Variants in KIF26B observed in about 807,000 individuals in gnomAD.
KIF26B encodes kinesin family member 26B, also known as kinesin-like protein KIF26B.
Under a neutral mutation model 151.2 loss-of-function variants are expected in KIF26B, and 63 were observed. That is an observed-to-expected ratio of 0.42 (90% CI 0.34 to 0.51). The LOEUF is 0.51. Ranked by LOEUF, KIF26B falls within the 20% of genes least tolerant of loss-of-function variation. The probability of loss-of-function intolerance (pLI) is 0.07; values close to 1 mark genes in which losing one functional copy is unlikely to be tolerated. For missense variants in KIF26B, 2,813 were observed against 2,913.6 expected, an observed-to-expected ratio of 0.97 and a Z score of 0.79; for synonymous variants, 1,357 against 1,262.1, an observed-to-expected ratio of 1.08 and a Z score of -1.59.
In KIF26B at chr1:245,708,793, GGATCTCTAATTCCAT is replaced by G. The variant is rs1572219790; in HGVS notation, c.*6191_*6205del. 1.3e-5 allele frequency: 2 copies of G among 152,266 alleles called. No individual in the cohort carries two copies. Among genetic ancestry groups the G allele is most frequent in the Admixed American group, 6.5e-5 (1 of 15,296 alleles). 9.4% of individuals were successfully genotyped at this position (152,266 alleles called of 1,614,324 possible). A position where few individuals can be genotyped will look rare whatever the true frequency, so the allele number is the denominator to read the frequency against. ...GATCTTTGTGGTTCCTTCAAGCTCT[GGATCTCTAATTCCAT>G]GATTAGTAATGTATGTATGTGTATA... On this transcript the variant is annotated 3_prime_UTR_variant, in exon 15 of 15. Transcript: ENST00000407071.
Position 245,367,352 on chromosome 1 carries a change from C to G in KIF26B, c.984C>G (p.Thr328=). ...CCCTGTCGAGAACCAACGGGGTCACCCTGTACCCATACCAGGTAAGTAGCC... is the reference window on the plus strand; with the variant it reads ...CCCTGTCGAGAACCAACGGGGTCACGCTGTACCCATACCAGGTAAGTAGCC... ...TWSLSRTNGV[T]LYPYQISQLM... is the part of the protein sequence containing the mutation. The change falls in exon 3 of 15, where the codon ACC becomes ACG. Residue 328 remains threonine, a synonymous_variant. Transcript: ENST00000407071. This position sits in a 1 kb window ranked among gnomAD's most constrained non-coding sequence, Gnocchi z 4.2. 6.3e-7 allele frequency: 1 copy of G among 1,589,472 alleles called. No individual in the cohort carries two copies. Among genetic ancestry groups the G allele is most frequent in the Middle Eastern group, 1.7e-4 (1 of 6,022 alleles).
intron 9 of KIF26B, among the ~76,000 whole-genome samples, chr1:245,615,495 G>A (rs1193936307): frequency 6.6e-6 from 1 of 152,138 alleles, no homozygotes; most frequent in Non-Finnish European, 1.5e-5. Flanking sequence ...CAAAAGTTTA[G>A]GCCAAGACAT....
At chr1:245,431,708 A>T (rs1410314835) in intron 4 of KIF26B, among the ~76,000 whole-genome samples, 2 of 152,098 alleles carry the variant, frequency 1.3e-5, no homozygotes, top group Non-Finnish European at 2.9e-5. Context: ...TGAACTCCTG[A>T]CCTTGTGTTC....
chr1:245,389,952 C>T (rs139369812), intron 3 of KIF26B, among the ~76,000 whole-genome samples: 2,789 of 152,288 alleles, frequency 0.018, 37 homozygotes, highest in Middle Eastern at 0.058. Context: ...GCTCCACAGA[C>T]CATCTGAGTC....
intron 4 of KIF26B, among the ~76,000 whole-genome samples, chr1:245,475,394 A>G (rs896104948): frequency 1.3e-5 from 2 of 151,772 alleles, no homozygotes; most frequent in Non-Finnish European, 2.9e-5. Flanking sequence ...TCCATTGTTT[A>G]CAATGGGGAC....
intron 4 of KIF26B, among the ~76,000 whole-genome samples, chr1:245,515,050 G>A (rs568272359): frequency 6.2e-4 from 94 of 152,256 alleles, no homozygotes; most frequent in Non-Finnish European, 1.5e-4. Context: ...AAGCGTGCTC[G>A]AGTAGAAGTC....
At position 245,367,355 on chromosome 1, in the gene KIF26B, G is replaced by A. The variant is rs1409370558; in HGVS notation, c.987G>A (p.Leu329=). The A allele has an allele frequency of 1.3e-6, 2 of 1,588,342 alleles. No individual in the cohort carries two copies. The highest frequency in any genetic ancestry group is 2.3e-5 in the East Asian group (1 of 43,594). ...TGTCGAGAACCAACGGGGTCACCCT[G>A]TACCCATACCAGGTAAGTAGCCTGT... ...WSLSRTNGVT[L]YPYQISQLMT... is the part of the protein sequence containing the mutation. Residue 329 remains leucine, a synonymous_variant, in exon 3 of 15, where the codon CTG becomes CTA. Coordinates refer to ENST00000407071, the MANE Select transcript of KIF26B (RefSeq NM_018012.4). The surrounding 1 kb of genome is among the most constrained non-coding windows in gnomAD (Gnocchi z 4.2).
In KIF26B at chr1:245,375,990, C is replaced by T. The variant is rs1310830306; in HGVS notation, c.999+8623C>T. ...ATTGTTATAGAATCATAATAAGTAG[C>T]ACACCACAGCGACTCTCCATTGGTA... On this transcript the variant is annotated intron_variant, in intron 3 of 14. Transcript: ENST00000407071. The surrounding 1 kb of genome is among the most constrained non-coding windows in gnomAD (Gnocchi z 4.2). 1.3e-5 allele frequency among the ~76,000 whole-genome samples: 2 copies of T among 152,146 alleles called. No individual in the cohort carries two copies. Among genetic ancestry groups the T allele is most frequent in the Non-Finnish European group, 2.9e-5 (2 of 68,034 alleles).
At position 245,685,994 on chromosome 1, in the gene KIF26B, G is replaced by C; in HGVS notation, c.3011G>C (p.Ser1004Thr). Reference sequence around the variant, plus strand: ...CTCCCAGCCTCCAAGATGCAGAGGAGTCACTCACCTGTGCCCGCCGCGGCA... The same window carrying C: ...CTCCCAGCCTCCAAGATGCAGAGGACTCACTCACCTGTGCCCGCCGCGGCA... ...PELPASKMQR[S>T]HSPVPAAAPA... The change falls in exon 12 of 15, where the codon AGT becomes ACT. Residue 1004 changes from serine to threonine, a missense_variant. By Grantham distance (58) the Ser-to-Thr change is moderately conservative (BLOSUM62 1). Coordinates refer to ENST00000407071, the MANE Select transcript of KIF26B (RefSeq NM_018012.4). The C allele has an allele frequency of 6.3e-7, 1 of 1,593,700 alleles. No homozygotes were observed. The highest frequency in any genetic ancestry group is 8.5e-7 in the Non-Finnish European group (1 of 1,170,772).
intron 2 of KIF26B, among the ~76,000 whole-genome samples, chr1:245,245,748 T>C (rs1670316654): frequency 6.6e-6 from 1 of 151,928 alleles, no homozygotes; most frequent in Non-Finnish European, 1.5e-5. Context: ...CTGGCCAAGA[T>C]GGTGAAACTG....
chr1:245,664,524 TGA>T (rs2044192595), intron 10 of KIF26B, among the ~76,000 whole-genome samples: 1 of 152,214 alleles, frequency 6.6e-6, no homozygotes, highest in Admixed American at 6.5e-5. Flanking sequence ...AAGCCACTTT[TGA>T]GAGTGAAAAG....
At position 245,698,876 on chromosome 1, in the gene KIF26B, C is replaced by G. The variant is rs368750152; in HGVS notation, c.6028-11C>G. 10 of 1,611,858 alleles carry G rather than the reference C, an allele frequency of 6.2e-6. No homozygotes were observed. The highest frequency in any genetic ancestry group is 3.3e-4 in the Middle Eastern group (2 of 6,060). On this transcript the variant is annotated splice_polypyrimidine_tract_variant and intron_variant, in intron 13 of 14. Transcript: ENST00000407071. This position sits in a 1 kb window ranked among gnomAD's most constrained non-coding sequence, Gnocchi z 4.0. ...CAGAAGGGCCCTTTCTCCTCTCTGT[C>G]TGTGTGCTAGGAGGCCATGTGCTTC...
chr1:245,521,317 A>G (rs529297817), intron 4 of KIF26B, among the ~76,000 whole-genome samples: 54 of 150,412 alleles, frequency 3.6e-4, no homozygotes, highest in African/African-American at 4.4e-4. Flanking sequence ...ATCCAGCCTG[A>G]GTGACAGAGC....
chr1:245,198,450 G>A (rs934225078), intron 2 of KIF26B, among the ~76,000 whole-genome samples: 18 of 126,264 alleles, frequency 1.4e-4, no homozygotes, highest in Admixed American at 8.0e-4. Context: ...GGCTGGGTGC[G>A]GTGGCTCACG....
intron 4 of KIF26B, among the ~76,000 whole-genome samples, chr1:245,486,218 T>C (rs549932329): frequency 1.6e-4 from 25 of 152,368 alleles, no homozygotes; most frequent in Admixed American, 1.4e-3. Context: ...CTGAAACTGC[T>C]TCAGTAAGCA....
chr1:245,462,971 C>T (rs1456879645), intron 4 of KIF26B, among the ~76,000 whole-genome samples: 2 of 152,140 alleles, frequency 1.3e-5, no homozygotes, highest in Non-Finnish European at 2.9e-5. Context: ...AGGCTTCCTA[C>T]GAGATGCACA....
intron 3 of KIF26B, among the ~76,000 whole-genome samples, chr1:245,380,056 T>C (rs819896): frequency 0.12 from 18,228 of 152,036 alleles, 1,282 homozygotes; most frequent in East Asian, 0.31. Flanking sequence ...GTGCTAACAG[T>C]CTTTAGTGTG....
intron 2 of KIF26B, among the ~76,000 whole-genome samples, chr1:245,179,345 C>T (rs148611578): frequency 7.7e-4 from 118 of 152,260 alleles, no homozygotes; most frequent in Non-Finnish European, 1.4e-3. Flanking sequence ...CAAAGGAGGC[C>T]GGGCGCAGTG....
chr1:245,335,502 G>T (rs1455052176), intron 2 of KIF26B, among the ~76,000 whole-genome samples: 1 of 152,212 alleles, frequency 6.6e-6, no homozygotes, highest in Non-Finnish European at 1.5e-5. Flanking sequence ...AGGAAGCTTG[G>T]GAAGGAGTCA....
Sources: gnomAD v4.1 joint callset for allele counts (sites outside exome capture counted in the v4.1 genomes callset) on GRCh38, gnomAD v4.1.1 for gene constraint, Gnocchi (gnomAD v3.1) non-coding constraint, MANE v1.5 for transcripts, NCBI Gene and HGNC (gene_info 2026-07-23, HGNC 2026-07-21) for gene names.